The following AGPAT4 variants were observed in gnomAD, a reference collection of about 807,000 sequenced individuals.
The protein encoded by AGPAT4 is 1-acyl-sn-glycerol-3-phosphate acyltransferase delta.
A neutral mutation model predicts 48.0 loss-of-function variants in AGPAT4; 15 were observed. The ratio of observed to expected loss-of-function variants is 0.31; its 90% confidence interval spans 0.21 to 0.48. The LOEUF (loss-of-function observed/expected upper bound fraction) is 0.48, where lower values mean the gene tolerates loss of function less well. Among genes scored for constraint, AGPAT4 ranks in the 20% least tolerant of loss-of-function variants. AGPAT4 has a pLI of 0.99. For missense variants in AGPAT4, 314 were observed against 482.5 expected, an observed-to-expected ratio of 0.65 and a Z score of 3.27; for synonymous variants, 178 against 198.7, an observed-to-expected ratio of 0.90 and a Z score of 0.88.
In AGPAT4 at chr6:161,135,694, C is replaced by A. The variant is rs896482899; in HGVS notation, c.*846G>T. On this transcript the variant is annotated 3_prime_UTR_variant, in exon 9 of 9. Coordinates refer to ENST00000320285, the MANE Select transcript of AGPAT4 (RefSeq NM_020133.3). Reference sequence around the variant, plus strand: ...GAACAGTCGATGCAAGCTCATCTCACAAATCACTGCAGAATGCCCAGGCTG... The same window carrying A: ...GAACAGTCGATGCAAGCTCATCTCAAAAATCACTGCAGAATGCCCAGGCTG... The A allele has an allele frequency of 6.6e-6, 1 of 152,250 alleles. No individual in the cohort carries two copies. Among genetic ancestry groups the A allele is most frequent in the Non-Finnish European group, 1.5e-5 (1 of 68,042 alleles). The allele number at this position is 152,250 out of a possible 1,614,324, so 9.4% of individuals were successfully genotyped here. A position where few individuals can be genotyped will look rare whatever the true frequency, so the allele number is the denominator to read the frequency against.
At chr6:161,163,304 G>A (rs1779990772) in intron 3 of AGPAT4, among the ~76,000 whole-genome samples, 1 of 152,150 alleles carries the variant, frequency 6.6e-6, no homozygotes. Context: ...ACCTTCTTCT[G>A]TTCCTTTCCT....
In AGPAT4 at chr6:161,274,052, A is replaced by ACTTAC. The variant is rs1306965454; in HGVS notation, c.-205_-204insGTAAG. On this transcript the variant is annotated 5_prime_UTR_variant, in exon 1 of 9. Transcript: ENST00000320285. The surrounding 1 kb of genome is among the most constrained non-coding windows in gnomAD (Gnocchi z 4.5). ...GAGCTGTAAGTCAGCCAACACTGGA[A>ACTTAC]AGAAAAAGCGAGACTCCACCCATGG... The ACTTAC allele has an allele frequency of 6.6e-6, 1 of 151,682 alleles. No homozygotes were observed. The highest frequency in any genetic ancestry group is 1.5e-5 in the Non-Finnish European group (1 of 67,936). The allele number at this position is 151,682 out of a possible 1,614,324, so 9.4% of individuals were successfully genotyped here. A position where few individuals can be genotyped will look rare whatever the true frequency, so the allele number is the denominator to read the frequency against.
chr6:161,187,431 T>C (rs1035788851), intron 2 of AGPAT4, among the ~76,000 whole-genome samples: 2 of 152,132 alleles, frequency 1.3e-5, no homozygotes, highest in East Asian at 1.9e-4. Context: ...GCAGCAGTTG[T>C]GTAGCTAAGG....
rs138032649 is a variant in AGPAT4, at chr6:161,149,761, T to C, written c.665-472A>G. Among the ~76,000 whole-genome samples the C allele has an allele frequency of 6.6e-6, 1 of 152,116 alleles. No individual in the cohort carries two copies. The highest frequency in any genetic ancestry group is 2.4e-5 in the African/African-American group (1 of 41,418). ...TTCACCATGTTGGTCAGACTGGTCT[T>C]GAACTCCTGACCTCAAGTGCTCTGC... On this transcript the variant is annotated intron_variant, in intron 5 of 8. Coordinates refer to ENST00000320285, the MANE Select transcript of AGPAT4 (RefSeq NM_020133.3). This position sits in a 1 kb window ranked among gnomAD's most constrained non-coding sequence, Gnocchi z 6.5.
chr6:161,230,584 T>A (rs1782097816), intron 2 of AGPAT4, among the ~76,000 whole-genome samples: 1 of 152,232 alleles, frequency 6.6e-6, no homozygotes, highest in Non-Finnish European at 1.5e-5. Flanking sequence ...CCAAATCATC[T>A]CCTACTGTCT....
intron 2 of AGPAT4, among the ~76,000 whole-genome samples, chr6:161,174,281 T>A (rs1250688320): frequency 1.3e-5 from 2 of 152,238 alleles, no homozygotes; most frequent in East Asian, 3.9e-4. Flanking sequence ...TCCATGAGCA[T>A]GGAATGTTCT....
In AGPAT4 at chr6:161,230,133, C is replaced by A. The variant is rs113297013; in HGVS notation, c.178+1903G>T. Among the ~76,000 whole-genome samples the A allele has an allele frequency of 7.1e-3, 1,079 of 152,308 alleles. 17 individuals carry two copies. The highest frequency in any genetic ancestry group is 0.025 in the African/African-American group (1,025 of 41,566). ...TCCACCAGAAACAAATACACTAATG[C>A]ATCCTGAGAAAAATATCTCCACAAT... On this transcript the variant is annotated intron_variant, in intron 2 of 8. Transcript: ENST00000320285.
chr6:161,131,180 G>A lies in AGPAT4; in HGVS notation c.*5360C>T, dbSNP rs1488489611. The A allele has an allele frequency of 2.0e-5, 6 of 300,754 alleles. No individual in the cohort carries two copies. The East Asian group carries it at 3.9e-4, about 20-fold the overall frequency. The allele number at this position is 300,754 out of a possible 1,614,324, so 18.6% of individuals were successfully genotyped here. On this transcript the variant is annotated 3_prime_UTR_variant, in exon 9 of 9. Coordinates refer to ENST00000320285, the MANE Select transcript of AGPAT4 (RefSeq NM_020133.3). ...AAAAAACAAATTAAATGTAAAAATTGTATGACTCTTACCCAGTGAAAAGCT... is the reference window on the plus strand; with the variant it reads ...AAAAAACAAATTAAATGTAAAAATTATATGACTCTTACCCAGTGAAAAGCT...
Position 161,159,490 on chromosome 6 carries a change from G to C in AGPAT4, c.349-5180C>G, listed in dbSNP as rs1779859472. 6.6e-6 allele frequency among the ~76,000 whole-genome samples: 1 copy of C among 152,212 alleles called. No homozygotes were observed. Among genetic ancestry groups the C allele is most frequent in the African/African-American group, 2.4e-5 (1 of 41,454 alleles). Reference sequence around the variant, plus strand: ...TTGTTGTACAGACCCCTTCTGGCAAGAAAGGTGTGTGCAAGAGAGGATGGT... The same window carrying C: ...TTGTTGTACAGACCCCTTCTGGCAACAAAGGTGTGTGCAAGAGAGGATGGT... On this transcript the variant is annotated intron_variant, in intron 3 of 8. Transcript: ENST00000320285. The surrounding 1 kb of genome is among the most constrained non-coding windows in gnomAD (Gnocchi z 4.1).
rs1171278313 is a variant in AGPAT4 at position 161,141,692 on chromosome 6, C to T, written c.844-2072G>A. ...TTTTGAATTTATTTTCCTTAACAGTCTTTATAGTGCTTTTTTACAGTAATA... is the reference window on the plus strand; with the variant it reads ...TTTTGAATTTATTTTCCTTAACAGTTTTTATAGTGCTTTTTTACAGTAATA... On this transcript the variant is annotated intron_variant, in intron 7 of 8. Coordinates refer to ENST00000320285, the MANE Select transcript of AGPAT4 (RefSeq NM_020133.3). This position sits in a 1 kb window ranked among gnomAD's most constrained non-coding sequence, Gnocchi z 6.7. Among the ~76,000 whole-genome samples the T allele has an allele frequency of 1.3e-5, 2 of 152,036 alleles. No homozygotes were observed. Among genetic ancestry groups the T allele is most frequent in the African/African-American group, 4.8e-5 (2 of 41,398 alleles).
chr6:161,170,095 G>C (rs532772279), intron 2 of AGPAT4, among the ~76,000 whole-genome samples: 30 of 152,152 alleles, frequency 2.0e-4, no homozygotes, highest in Non-Finnish European at 4.4e-4. Flanking sequence ...AAGAACTGAT[G>C]CAAGTTTTAG....
chr6:161,154,041 A>G lies in AGPAT4; in HGVS notation c.510+108T>C. The stretch of plus-strand genomic sequence containing the variant: ...GCCCTATGGTCACACACAGCCCTGG[A>G]GTCGCACAGGACCACACAGTCACGT... On this transcript the variant is annotated intron_variant, in intron 4 of 8. Transcript: ENST00000320285. The surrounding 1 kb of genome is among the most constrained non-coding windows in gnomAD (Gnocchi z 7.8). 3 of 1,426,880 alleles carry G rather than the reference A, an allele frequency of 2.1e-6. No individual in the cohort carries two copies. Among genetic ancestry groups the G allele is most frequent in the South Asian group, 2.4e-5 (2 of 84,940 alleles). 88.4% of individuals were successfully genotyped at this position (1,426,880 alleles called of 1,614,324 possible).
rs958773526 is a variant in AGPAT4 at position 161,195,374 on chromosome 6, G to A, written c.179-28957C>T. Among the ~76,000 whole-genome samples, 1 of 152,140 alleles carries A rather than the reference G, an allele frequency of 6.6e-6. No homozygotes were observed. The highest frequency in any genetic ancestry group is 6.5e-5 in the Admixed American group (1 of 15,280). Reference sequence around the variant, plus strand: ...AGCACTGCAGGACAACCATTGGGCGGGTTATAAACACCTTTCATTATATGG... The same window carrying A: ...AGCACTGCAGGACAACCATTGGGCGAGTTATAAACACCTTTCATTATATGG... On this transcript the variant is annotated intron_variant, in intron 2 of 8. Coordinates refer to ENST00000320285, the MANE Select transcript of AGPAT4 (RefSeq NM_020133.3). The surrounding 1 kb of genome is among the most constrained non-coding windows in gnomAD (Gnocchi z 5.0).
rs1016609135 is a variant in AGPAT4 at position 161,136,092 on chromosome 6, T to A, written c.*448A>T. The A allele has an allele frequency of 3.5e-5, 6 of 170,394 alleles. No individual in the cohort carries two copies. Among genetic ancestry groups the A allele is most frequent in the Non-Finnish European group, 7.5e-5 (6 of 79,484 alleles). The allele number at this position is 170,394 out of a possible 1,614,324, so 10.6% of individuals were successfully genotyped here. A position where few individuals can be genotyped will look rare whatever the true frequency, so the allele number is the denominator to read the frequency against. On this transcript the variant is annotated 3_prime_UTR_variant, in exon 9 of 9. Transcript: ENST00000320285. ...CCACAGATGACCCAGAAAAGCACTT[T>A]AATTTTTTTTTCTTGGAGGCATAAT...
At chr6:161,265,992 G>C (rs1017270724) in intron 1 of AGPAT4, among the ~76,000 whole-genome samples, 1 of 152,314 alleles carries the variant, frequency 6.6e-6, no homozygotes, top group East Asian at 1.9e-4. Flanking sequence ...AAATGGGTTT[G>C]CTTTGATCGG....
intron 2 of AGPAT4, among the ~76,000 whole-genome samples, chr6:161,182,685 C>A (rs1267189015): frequency 6.6e-6 from 1 of 152,244 alleles, no homozygotes; most frequent in African/African-American, 2.4e-5. Context: ...TTGGCATGGC[C>A]TGGCTCCTGG....
At chr6:161,224,510 C>A (rs1781915408) in intron 2 of AGPAT4, among the ~76,000 whole-genome samples, 1 of 151,776 alleles carries the variant, frequency 6.6e-6, no homozygotes, top group African/African-American at 2.4e-5. Flanking sequence ...GGCACGGTGG[C>A]ACCTGTCTGT....
intron 1 of AGPAT4, among the ~76,000 whole-genome samples, chr6:161,256,859 A>G (rs1464677764): frequency 6.6e-6 from 1 of 152,256 alleles, no homozygotes; most frequent in Non-Finnish European, 1.5e-5. Context: ...ATAAGCCCAC[A>G]AGACAGGCAT....
rs1349955241 is a variant in AGPAT4, at chr6:161,131,358, T to A, written c.*5182A>T. On this transcript the variant is annotated 3_prime_UTR_variant, in exon 9 of 9. Transcript: ENST00000320285. ...GAAGGCCTGGGTGGGAACCTGGATGTCCTTTCCTGGAGAACAGCTTTGCTA... is the reference window on the plus strand; with the variant it reads ...GAAGGCCTGGGTGGGAACCTGGATGACCTTTCCTGGAGAACAGCTTTGCTA... 7 of 153,400 alleles carry A rather than the reference T, an allele frequency of 4.6e-5. No homozygotes were observed. Among genetic ancestry groups the A allele is most frequent in the Admixed American group, 4.5e-4 (7 of 15,508 alleles). 9.5% of individuals were successfully genotyped at this position (153,400 alleles called of 1,614,324 possible).
Sources: allele counts gnomAD v4.1 joint callset (sites outside exome capture counted in the v4.1 genomes callset), GRCh38; gene constraint gnomAD v4.1.1; non-coding constraint Gnocchi (gnomAD v3.1); transcripts MANE v1.5; gene names NCBI Gene and HGNC (gene_info 2026-07-23, HGNC 2026-07-21).